Variants in PPFIA3 observed in about 807,000 individuals in gnomAD.
PPFIA3 encodes PPFI scaffold protein A3, also known as liprin-alpha-3.
A neutral mutation model predicts 145.8 loss-of-function variants in PPFIA3; 26 were observed. The observed-to-expected ratio is 0.18, with a 90% confidence interval of 0.13 to 0.25. The LOEUF is 0.25. PPFIA3 is among the 10% of genes least tolerant of loss of function. PPFIA3 has a pLI of 1.00. For synonymous variants in PPFIA3, 645 were observed against 661.4 expected, an observed-to-expected ratio of 0.98 and a Z score of 0.38; for missense variants, 1,008 against 1,587.8, an observed-to-expected ratio of 0.63 and a Z score of 6.21.
intron 20 of PPFIA3, 151 bp downstream of exon 20, chr19:49,142,266 C>T (rs2041232284): frequency 9.1e-6 from 6 of 662,830 alleles, no homozygotes; most frequent in South Asian, 2.0e-5. Flanking sequence ...CAGGAGGGCT[C>T]GGGCTTCCTG....
At position 49,120,916 on chromosome 19, in the gene PPFIA3, G is replaced by A; in HGVS notation, c.-16+1194G>A. Among the ~76,000 whole-genome samples, 1 of 152,038 alleles carries A rather than the reference G, an allele frequency of 6.6e-6. No homozygotes were observed. The highest frequency in any genetic ancestry group is 1.9e-4 in the East Asian group (1 of 5,198). On this transcript the variant is annotated intron_variant, in intron 1 of 29. Transcript: ENST00000334186. This position sits in a 1 kb window ranked among gnomAD's most constrained non-coding sequence, Gnocchi z 4.6. ...ATCCCCCATCATTTACCTCCACAAG[G>A]ATTCAGGAGTCCAGGCTCCCAGCTC...
In PPFIA3 at chr19:49,130,867, T is replaced by A. The variant is rs1032532421; in HGVS notation, c.879+268T>A. On this transcript the variant is annotated intron_variant, in intron 7 of 29. Coordinates refer to ENST00000334186, the MANE Select transcript of PPFIA3 (RefSeq NM_003660.4). The surrounding 1 kb of genome is among the most constrained non-coding windows in gnomAD (Gnocchi z 4.5). ...TCTCTGGTGCCTCTAAATGGATTTT[T>A]TTTTTCTTTTGTGAGGCAGAGTCTG... Among the ~76,000 whole-genome samples the A allele has an allele frequency of 6.6e-6, 1 of 152,138 alleles. No individual in the cohort carries two copies. The highest frequency in any genetic ancestry group is 2.1e-4 in the South Asian group (1 of 4,816).
intron 1 of PPFIA3, among the ~76,000 whole-genome samples, chr19:49,122,783 G>A (rs556905847): frequency 7.2e-6 from 1 of 139,280 alleles, no homozygotes; most frequent in East Asian, 2.2e-4. Flanking sequence ...GTGCAGTGGC[G>A]CAATCTCAGC....
At chr19:49,146,711 C>T (rs537915473) in intron 23 of PPFIA3, among the ~76,000 whole-genome samples, 1 of 152,256 alleles carries the variant, frequency 6.6e-6, no homozygotes, top group African/African-American at 2.4e-5. Context: ...GGGCAGATCA[C>T]CTGAGGTCAG....
rs1017707926 is a variant in PPFIA3, at chr19:49,140,441, T to C, written c.2368+353T>C. On this transcript the variant is annotated intron_variant, in intron 18 of 29. Coordinates refer to ENST00000334186, the MANE Select transcript of PPFIA3 (RefSeq NM_003660.4). Reference sequence around the variant, plus strand: ...TTGGCTCACTGGAACCTCTACCTCCTGGGTTCAAGCGATTCTCCTGCCTCG... The same window carrying C: ...TTGGCTCACTGGAACCTCTACCTCCCGGGTTCAAGCGATTCTCCTGCCTCG... Among the ~76,000 whole-genome samples the C allele has an allele frequency of 1.2e-4, 18 of 150,584 alleles. No individual in the cohort carries two copies. In the South Asian group the frequency reaches 3.6e-3, roughly 30 times the overall value.
rs1555741934 is a variant in PPFIA3, at chr19:49,122,714, G to GGT, written c.-16+2992_-16+2993insGT. 1.6e-3 allele frequency among the ~76,000 whole-genome samples: 181 copies of GGT among 114,812 alleles called. 10 individuals carry two copies. Among genetic ancestry groups the GGT allele is most frequent in the Middle Eastern group, 9.9e-3 (2 of 202 alleles). 75.3% of individuals were successfully genotyped at this position (114,812 alleles called of 152,430 possible). A position where few individuals can be genotyped will look rare whatever the true frequency, so the allele number is the denominator to read the frequency against. On this transcript the variant is annotated intron_variant, in intron 1 of 29. Transcript: ENST00000334186. Reference sequence around the variant, plus strand: ...TTTTTGTTGTTGTTGTTGTTTAGTTGTTTTTTTTTTTTTTTTTTTTGGCGG... The same window carrying GGT: ...TTTTTGTTGTTGTTGTTGTTTAGTTGGTTTTTTTTTTTTTTTTTTTTTGGCGG...
At position 49,129,061 on chromosome 19, in the gene PPFIA3, CTG is replaced by C. The variant is rs759373323; in HGVS notation, c.507+50_507+51del. Reference sequence around the variant, plus strand: ...GTGGAGAATGGAAACCTATAGTTGACTGGGGCTGTTCTGAGTGGGAGAGATTC... The same window carrying C: ...GTGGAGAATGGAAACCTATAGTTGACGGGCTGTTCTGAGTGGGAGAGATTC... On this transcript the variant is annotated intron_variant, in intron 4 of 29. Transcript: ENST00000334186. The C allele has an allele frequency of 7.9e-6, 12 of 1,524,070 alleles. No individual in the cohort carries two copies. In the South Asian group the frequency reaches 1.5e-4, roughly 20 times the overall value. The allele number at this position is 1,524,070 out of a possible 1,614,324, so 94.4% of individuals were successfully genotyped here. A position where few individuals can be genotyped will look rare whatever the true frequency, so the allele number is the denominator to read the frequency against.
rs1222134192 is a variant in PPFIA3, at chr19:49,130,956, G to C, written c.879+357G>C. On this transcript the variant is annotated intron_variant, in intron 7 of 29. Transcript: ENST00000334186. The surrounding 1 kb of genome is among the most constrained non-coding windows in gnomAD (Gnocchi z 4.5). ...GGCTTACTGCCACCTCTGCCTCCCG[G>C]GTTCAAGAGATTCTCCTGCCTCAGC... Among the ~76,000 whole-genome samples the C allele has an allele frequency of 6.6e-6, 1 of 151,494 alleles. No homozygotes were observed. The highest frequency in any genetic ancestry group is 1.5e-5 in the Non-Finnish European group (1 of 67,940).
At chr19:49,125,206 G>C (rs1036018575) in intron 1 of PPFIA3, 3 of 152,356 alleles carry the variant, frequency 2.0e-5, no homozygotes, top group Non-Finnish European at 4.4e-5. Flanking sequence ...ACACCCAAGG[G>C]GACAGGAACC....
chr19:49,128,895 A>G lies in PPFIA3; in HGVS notation c.390A>G (p.Ser130=). Residue 130 remains serine (S), a synonymous_variant, in exon 4 of 30, where the codon TCA becomes TCG. Transcript: ENST00000334186. The surrounding 1 kb of genome is among the most constrained non-coding windows in gnomAD (Gnocchi z 4.1). ...GCCTGGTGTCCAGGCACGAGAGGTCACTGCGCATGACCGTGGTGAAGCGCC... is the reference window on the plus strand; with the variant it reads ...GCCTGGTGTCCAGGCACGAGAGGTCGCTGCGCATGACCGTGGTGAAGCGCC... ...LECLVSRHER[S]LRMTVVKRQA... 6.2e-7 allele frequency: 1 copy of G among 1,613,266 alleles called. No individual in the cohort carries two copies. The highest frequency in any genetic ancestry group is 8.5e-7 in the Non-Finnish European group (1 of 1,179,598).
At chr19:49,136,692 C>G (rs758315159) in intron 14 of PPFIA3, 32 bp from the exon 15 acceptor site, 2 of 1,366,364 alleles carry the variant, frequency 1.5e-6, no homozygotes, top group South Asian at 3.8e-5. Flanking sequence ...CCCCCAGCCA[C>G]CTAATGTCCC....
intron 24 of PPFIA3, 32 bp downstream of exon 24, chr19:49,148,290 A>G: frequency 6.3e-7 from 1 of 1,596,420 alleles, no homozygotes; most frequent in Admixed American, 1.7e-5. Flanking sequence ...GGGACAGTCC[A>G]AAGGGAAGCC....
chr19:49,128,208 A>G lies in PPFIA3; in HGVS notation c.240+95A>G. On this transcript the variant is annotated intron_variant, in intron 2 of 29. Coordinates refer to ENST00000334186, the MANE Select transcript of PPFIA3 (RefSeq NM_003660.4). This position sits in a 1 kb window ranked among gnomAD's most constrained non-coding sequence, Gnocchi z 4.1. ...CCGGGCTTGGCGCCTGGAAGGGAGG[A>G]GTCTGGGCGAGGCTTGCCGTTAATG... 1 of 1,465,222 alleles carries G rather than the reference A, an allele frequency of 6.8e-7. No individual in the cohort carries two copies. Among genetic ancestry groups the G allele is most frequent in the Non-Finnish European group, 9.1e-7 (1 of 1,097,644 alleles). 90.8% of individuals were successfully genotyped at this position (1,465,222 alleles called of 1,614,324 possible).
chr19:49,139,425 G>A (rs1354265997), intron 16 of PPFIA3, among the ~76,000 whole-genome samples: 1 of 149,876 alleles, frequency 6.7e-6, no homozygotes, highest in Non-Finnish European at 1.5e-5. Flanking sequence ...GGAGGCAGAG[G>A]TTGCAGTGAG....
rs1159750899 is a variant in PPFIA3, at chr19:49,128,026, C to G, written c.153C>G (p.Asp51Glu). The G allele has an allele frequency of 5.0e-6, 8 of 1,596,370 alleles. No individual in the cohort carries two copies. Among genetic ancestry groups the G allele is most frequent in the Non-Finnish European group, 6.8e-6 (8 of 1,178,964 alleles). ...TGGAGACGCTGCGCGAGGCACAGGA[C>G]GGGTTGGCTACAGCGCAGCTGCGGC... ...RLLETLREAQ[D>E]GLATAQLRLR... The change falls in exon 2 of 30, where the codon GAC becomes GAG. Residue 51 changes from aspartate to glutamate, a missense_variant. Asp to Glu is a conservative substitution (Grantham distance 45, BLOSUM62 2). Around this residue, in one of 11 missense-constraint regions of PPFIA3, gnomAD observed 108 missense variants for 144.3 expected, o/e 0.75. Transcript: ENST00000334186. This position sits in a 1 kb window ranked among gnomAD's most constrained non-coding sequence, Gnocchi z 4.1.
intron 23 of PPFIA3, 92 bp downstream of exon 23, chr19:49,146,284 G>A: frequency 6.8e-7 from 1 of 1,461,432 alleles, no homozygotes; most frequent in Non-Finnish European, 9.4e-7. Context: ...GCCTTCACCA[G>A]AACATGCCAT....
chr19:49,134,548 C>G, intron 11 of PPFIA3, 91 bp from the exon 12 acceptor site: 2 of 1,211,340 alleles, frequency 1.7e-6, no homozygotes, highest in Non-Finnish European at 2.4e-6. Context: ...TGGGTCCCCT[C>G]AGGCCTGTCT....
chr19:49,142,772 G>GTCCCTCTC (rs2041239584), intron 20 of PPFIA3, 32 bp from the exon 21 acceptor site: 1 of 1,570,198 alleles, frequency 6.4e-7, no homozygotes, highest in East Asian at 2.3e-5. Flanking sequence ...CTGTCCCTCT[G>GTCCCTCTC]TCCCCTCTGT....
In PPFIA3 at chr19:49,129,022, T is replaced by A; in HGVS notation, c.507+10T>A. 1 of 1,577,776 alleles carries A rather than the reference T, an allele frequency of 6.3e-7. No homozygotes were observed. On this transcript the variant is annotated intron_variant, in intron 4 of 29. Transcript: ENST00000334186. ...GGCCCTGGATGAGAAGGTATGAGAA[T>A]TAGAAGAGCAGGGGTGGAGAATGGA...
Sources: allele counts gnomAD v4.1 joint callset (sites outside exome capture counted in the v4.1 genomes callset), GRCh38; gene constraint gnomAD v4.1.1; regional missense constraint gnomAD v4.1.1; non-coding constraint Gnocchi (gnomAD v3.1); transcripts MANE v1.5; gene names NCBI Gene and HGNC (gene_info 2026-07-23, HGNC 2026-07-21).